DYRK1A: variants seen among roughly 807,000 people sequenced by gnomAD.
The protein encoded by DYRK1A is dual specificity tyrosine phosphorylation regulated kinase 1A.
Under a neutral mutation model 79.7 loss-of-function variants are expected in DYRK1A, and 9 were observed. That is an observed-to-expected ratio of 0.11 (90% CI 0.07 to 0.20). The LOEUF (loss-of-function observed/expected upper bound fraction) is 0.20. DYRK1A is among the 10% of genes least tolerant of loss of function. The pLI, the probability that DYRK1A is intolerant of heterozygous loss-of-function variation, is 1.00. For missense variants in DYRK1A, 622 were observed against 956.0 expected (o/e 0.65, Z 4.61); for synonymous variants, 349 against 329.7 (o/e 1.06, Z -0.63).
chr21:37,375,147 T>A (rs2049511849), intron 1 of DYRK1A: 1 of 152,224 alleles, frequency 6.6e-6, no homozygotes, highest in Non-Finnish European at 1.5e-5. Flanking sequence ...TGTGGGAGCT[T>A]ATGTCTAGTG....
intron 2 of DYRK1A, among the ~76,000 whole-genome samples, chr21:37,457,179 T>C (rs1246371869): frequency 1.3e-5 from 2 of 152,036 alleles, no homozygotes; most frequent in African/African-American, 4.8e-5. Context: ...GTGACTCTTG[T>C]CTCAGACTCC....
chr21:37,377,297 T>G (rs2049565770), intron 1 of DYRK1A, among the ~76,000 whole-genome samples: 1 of 152,106 alleles, frequency 6.6e-6, no homozygotes, highest in Non-Finnish European at 1.5e-5. Flanking sequence ...TTTTTCGTAT[T>G]TTTAGTAGAG....
At position 37,514,352 on chromosome 21, in the gene DYRK1A, A is replaced by G. The variant is rs1177731392; in HGVS notation, c.*1821A>G. ...AAATTGACCAATTTTGGGGTGTGACACTTTTGAGCGGTTGAATTGGGAGAA... is the reference window on the plus strand; with the variant it reads ...AAATTGACCAATTTTGGGGTGTGACGCTTTTGAGCGGTTGAATTGGGAGAA... On this transcript the variant is annotated 3_prime_UTR_variant, in exon 12 of 12. Coordinates refer to ENST00000647188, the MANE Select transcript of DYRK1A (RefSeq NM_001347721.2). 6.6e-6 allele frequency: 1 copy of G among 152,632 alleles called. No homozygotes were observed. Among genetic ancestry groups the G allele is most frequent in the African/African-American group, 2.4e-5 (1 of 41,444 alleles). 9.5% of individuals were successfully genotyped at this position (152,632 alleles called of 1,614,324 possible).
chr21:37,479,606 G>GGTTTTTTTTTTTTTTTTTTTTTTTTTTT (rs2052536883), intron 4 of DYRK1A, among the ~76,000 whole-genome samples: 1 of 27,594 alleles, frequency 3.6e-5, no homozygotes, highest in Non-Finnish European at 6.9e-5. Context: ...TTTTGTTTTT[G>GGTTTTTTTTTTTTTTTTTTTTTTTTTTT]TTTTTGTTTT....
rs1555979739 is a variant in DYRK1A, at chr21:37,479,620, T to TTTTTTG, written c.301-1013_301-1012insGTTTTT. 5.1e-5 allele frequency among the ~76,000 whole-genome samples: 4 copies of TTTTTTG among 77,700 alleles called. No homozygotes were observed. The East Asian group carries it at 1.5e-3, about 29-fold the overall frequency. 51.0% of individuals were successfully genotyped at this position (77,700 alleles called of 152,430 possible). ...TTTTTGTTTTTGTTTTTGTTTTTTG[T>TTTTTTG]TTTTTTTTTTTTTTTTGGAGACAGA... On this transcript the variant is annotated intron_variant, in intron 4 of 11. Coordinates refer to ENST00000647188, the MANE Select transcript of DYRK1A (RefSeq NM_001347721.2).
chr21:37,498,057 A>G (rs1023322298), intron 9 of DYRK1A, among the ~76,000 whole-genome samples: 1 of 152,208 alleles, frequency 6.6e-6, no homozygotes, highest in Non-Finnish European at 1.5e-5. Flanking sequence ...AGATGTGCAT[A>G]TACTTTCATT....
At chr21:37,377,152 C>T (rs768374104) in intron 1 of DYRK1A, among the ~76,000 whole-genome samples, 7 of 152,182 alleles carry the variant, frequency 4.6e-5, no homozygotes, top group Non-Finnish European at 7.3e-5. Context: ...CGGAGTCTCG[C>T]TCTTTCCCCA....
At chr21:37,491,853 G>A (rs2053107839) in intron 7 of DYRK1A, among the ~76,000 whole-genome samples, 1 of 152,146 alleles carries the variant, frequency 6.6e-6, no homozygotes, top group African/African-American at 2.4e-5. Context: ...GCCAAAATGA[G>A]CCAGTTATCC....
intron 2 of DYRK1A, among the ~76,000 whole-genome samples, chr21:37,472,054 T>A (rs2052244057): frequency 6.6e-6 from 1 of 152,230 alleles, no homozygotes; most frequent in South Asian, 2.1e-4. Flanking sequence ...GGTTATTTTT[T>A]CTTTGTGGTG....
rs551758403 is a variant in DYRK1A at position 37,519,101 on chromosome 21, G to A, written c.*6570G>A. The A allele has an allele frequency of 6.6e-6, 1 of 152,230 alleles. No homozygotes were observed. Among genetic ancestry groups the A allele is most frequent in the South Asian group, 2.1e-4 (1 of 4,816 alleles). The allele number at this position is 152,230 out of a possible 1,614,324, so 9.4% of individuals were successfully genotyped here. On this transcript the variant is annotated 3_prime_UTR_variant, in exon 12 of 12. Transcript: ENST00000647188. ...TTTGTTGTCTTCCCTTGTGGAGATG[G>A]GTCAGTGTAACATCCTATTCATTAA... is the stretch of plus-strand genomic sequence containing the variant.
intron 2 of DYRK1A, among the ~76,000 whole-genome samples, chr21:37,435,186 G>C (rs1238821308): frequency 6.6e-6 from 1 of 152,208 alleles, no homozygotes; most frequent in Non-Finnish European, 1.5e-5. Context: ...TTTATTGCTT[G>C]TTTTCCTATT....
chr21:37,464,989 C>G (rs2051976219), intron 2 of DYRK1A, among the ~76,000 whole-genome samples: 1 of 152,162 alleles, frequency 6.6e-6, no homozygotes, highest in Non-Finnish European at 1.5e-5. Flanking sequence ...AACTTAAATA[C>G]TTTTTGGTGT....
chr21:37,365,900 T>A (rs557974267), upstream of DYRK1A: 5 of 152,244 alleles, frequency 3.3e-5, 1 homozygote, highest in South Asian at 1.0e-3. Context: ...AAAGTTTTCA[T>A]GATGGCTCCA....
chr21:37,470,839 C>A (rs1412579904), intron 2 of DYRK1A, among the ~76,000 whole-genome samples: 1 of 152,166 alleles, frequency 6.6e-6, no homozygotes, highest in Non-Finnish European at 1.5e-5. Flanking sequence ...AAAAAGTGAA[C>A]AAGGTTGTTT....
chr21:37,465,341 T>C (rs2051989963), intron 2 of DYRK1A, among the ~76,000 whole-genome samples: 1 of 152,216 alleles, frequency 6.6e-6, no homozygotes, highest in African/African-American at 2.4e-5. Flanking sequence ...ATGTGTATTA[T>C]TCTCCCTAAA....
intron 8 of DYRK1A, among the ~76,000 whole-genome samples, chr21:37,493,739 T>C (rs2053170513): frequency 2.0e-5 from 3 of 152,190 alleles, no homozygotes; most frequent in South Asian, 4.1e-4. Context: ...AATTAGACTT[T>C]CATTGTTTTA....
intron 1 of DYRK1A, among the ~76,000 whole-genome samples, chr21:37,401,261 T>C (rs75487371): frequency 6.6e-6 from 1 of 152,148 alleles, no homozygotes; most frequent in Non-Finnish European, 1.5e-5. Context: ...TATAAGCATA[T>C]GTAGTGTTTA....
chr21:37,444,851 A>G (rs1485223703), intron 2 of DYRK1A, among the ~76,000 whole-genome samples: 1 of 152,112 alleles, frequency 6.6e-6, no homozygotes. Flanking sequence ...AGGGAGAGAG[A>G]GCACCAGCAG....
intron 11 of DYRK1A, chr21:37,506,440 G>C (rs2053602437): frequency 2.1e-6 from 3 of 1,396,970 alleles, no homozygotes; most frequent in Non-Finnish European, 2.9e-6. Flanking sequence ...GGGCATAACA[G>C]TTGTTGTTTT....
Sources: gnomAD v4.1 joint callset for allele counts (sites outside exome capture counted in the v4.1 genomes callset) on GRCh38, gnomAD v4.1.1 for gene constraint, MANE v1.5 for transcripts, NCBI Gene and HGNC (gene_info 2026-07-23, HGNC 2026-07-21) for gene names.